HIF1AN: variants seen among roughly 807,000 people sequenced by gnomAD.
The protein encoded by HIF1AN is hypoxia inducible factor 1 subunit alpha inhibitor, also known as hypoxia-inducible factor 1-alpha inhibitor.
Under a neutral mutation model 47.7 loss-of-function variants are expected in HIF1AN, and 21 were observed. That is an observed-to-expected ratio of 0.44 (90% confidence interval 0.31 to 0.63). HIF1AN has a LOEUF of 0.63. HIF1AN is among the 30% of genes least tolerant of loss of function. The pLI is 0.07. For missense variants in HIF1AN, 320 were observed against 432.7 expected (o/e 0.74, Z 2.31); for synonymous variants, 152 against 155.9 (o/e 0.98, Z 0.18).
At chr10:100,540,488 C>A in intron 2 of HIF1AN, 146 bp from the exon 3 acceptor site, 2 of 759,264 alleles carry the variant, frequency 2.6e-6, no homozygotes, top group Non-Finnish European at 4.4e-6. Context: ...GTATGAGAAT[C>A]CATGTTGGCT....
At position 100,554,535 on chromosome 10, in the gene HIF1AN, T is replaced by C. The variant is rs1021433257; in HGVS notation, c.*6398T>C. On this transcript the variant is annotated 3_prime_UTR_variant, in exon 8 of 8. Transcript: ENST00000299163. ...AATATGGACCAGACACCTGGGAGGA[T>C]TACCTCACGCCTGTAATCCCAGCAC... is the stretch of plus-strand genomic sequence containing the variant. 1 of 151,592 alleles carries C rather than the reference T, an allele frequency of 6.6e-6. No individual in the cohort carries two copies. Among genetic ancestry groups the C allele is most frequent in the African/African-American group, 2.4e-5 (1 of 41,240 alleles). 9.4% of individuals were successfully genotyped at this position (151,592 alleles called of 1,614,324 possible). A position where few individuals can be genotyped will look rare whatever the true frequency, so the allele number is the denominator to read the frequency against.
Position 100,536,647 on chromosome 10 carries a change from A to G in HIF1AN, c.414A>G (p.Arg138=). The G allele has an allele frequency of 6.2e-7, 1 of 1,614,156 alleles. No individual in the cohort carries two copies. The highest frequency in any genetic ancestry group is 8.5e-7 in the Non-Finnish European group (1 of 1,180,006). Residue 138 remains arginine (R), a synonymous_variant, in exon 2 of 8, where the codon CGA becomes CGG. Coordinates refer to ENST00000299163, the MANE Select transcript of HIF1AN (RefSeq NM_017902.3). ...FVEKLQDIQQ[R]GGEERLYLQQ... is the part of the protein sequence containing the mutation. ...AGAAACTGCAGGATATACAGCAGCG[A>G]GGAGGGGAAGAGAGGTAAATTCCGA...
In HIF1AN at chr10:100,536,512, C is replaced by T. The variant is rs761208466; in HGVS notation, c.279C>T (p.Tyr93=). ...ENIGNGDFSV[Y]SASTHKFLYY... is the part of the protein sequence containing the mutation. ...TTGGCAATGGAGACTTCTCTGTGTA[C>T]AGTGCCAGCACCCACAAGTTCTTGT... Residue 93 remains tyrosine, a synonymous_variant, in exon 2 of 8, where the codon TAC becomes TAT. Coordinates refer to ENST00000299163, the MANE Select transcript of HIF1AN (RefSeq NM_017902.3). 6.2e-7 allele frequency: 1 copy of T among 1,614,144 alleles called. No homozygotes were observed. The highest frequency in any genetic ancestry group is 1.6e-4 in the Middle Eastern group (1 of 6,062).
chr10:100,539,810 G>A (rs1173460357), intron 2 of HIF1AN, among the ~76,000 whole-genome samples: 1 of 152,202 alleles, frequency 6.6e-6, no homozygotes, highest in Non-Finnish European at 1.5e-5. Context: ...CCAGCTCTTG[G>A]TGAACAGTAA....
chr10:100,540,928 A>G, intron 3 of HIF1AN, 146 bp downstream of exon 3: 1 of 789,694 alleles, frequency 1.3e-6, no homozygotes, highest in Non-Finnish European at 1.9e-6. Context: ...AAGAAACATA[A>G]TAGGGGCTGG....
Position 100,536,650 on chromosome 10 carries a change from A to T in HIF1AN, c.417A>T (p.Gly139=). 1 of 1,613,950 alleles carries T rather than the reference A, an allele frequency of 6.2e-7. No individual in the cohort carries two copies. The highest frequency in any genetic ancestry group is 2.2e-5 in the East Asian group (1 of 44,884). The change falls in exon 2 of 8, where the codon GGA becomes GGT. Residue 139 remains glycine (G), a synonymous_variant. Coordinates refer to ENST00000299163, the MANE Select transcript of HIF1AN (RefSeq NM_017902.3). ...AACTGCAGGATATACAGCAGCGAGG[A>T]GGGGAAGAGAGGTAAATTCCGAAAG... ...VEKLQDIQQR[G]GEERLYLQQT...
At chr10:100,543,212 CAG>C (rs1843061054) in intron 3 of HIF1AN, among the ~76,000 whole-genome samples, 2 of 146,966 alleles carry the variant, frequency 1.4e-5, no homozygotes, top group African/African-American at 2.5e-5. Context: ...TTTATTGAGA[CAG>C]TGTCTCACTC....
chr10:100,542,455 G>A (rs1045067181), intron 3 of HIF1AN, among the ~76,000 whole-genome samples: 1 of 152,028 alleles, frequency 6.6e-6, no homozygotes, highest in South Asian at 2.1e-4. Flanking sequence ...CCAGGTTCAC[G>A]CCATTCTCCC....
intron 3 of HIF1AN, among the ~76,000 whole-genome samples, chr10:100,543,723 C>T (rs1337005298): frequency 6.6e-6 from 1 of 152,194 alleles, no homozygotes; most frequent in Non-Finnish European, 1.5e-5. Context: ...AGGCGCCCGC[C>T]ACCACGCCCG....
intron 1 of HIF1AN, 35 bp downstream of exon 1, chr10:100,536,170 GAA>G (rs1852217587): frequency 5.8e-6 from 9 of 1,557,916 alleles, no homozygotes; most frequent in Non-Finnish European, 7.8e-6. Flanking sequence ...GGGAGAGGAG[GAA>G]GGTACCCGGT....
At position 100,545,068 on chromosome 10, in the gene HIF1AN, T is replaced by A; in HGVS notation, c.695T>A (p.Val232Asp). 1.2e-6 allele frequency: 2 copies of A among 1,614,188 alleles called. No homozygotes were observed. Among genetic ancestry groups the A allele is most frequent in the Non-Finnish European group, 1.7e-6 (2 of 1,180,010 alleles). Reference protein sequence around the residue: ...DQFECLYPYPVHHPCDRQSQV... With the variant: ...DQFECLYPYPDHHPCDRQSQV... Reference sequence around the variant, plus strand: ...TTCGAGTGCCTCTACCCATACCCTGTTCATCACCCATGTGACAGACAGAGC... The same window carrying A: ...TTCGAGTGCCTCTACCCATACCCTGATCATCACCCATGTGACAGACAGAGC... The change falls in exon 4 of 8, where the codon GTT (valine) becomes GAT (aspartate). Residue 232 changes from valine to aspartate, a missense_variant. By Grantham distance (152) the Val-to-Asp change is radical. Coordinates refer to ENST00000299163, the MANE Select transcript of HIF1AN (RefSeq NM_017902.3).
In HIF1AN at chr10:100,552,861, G is replaced by A. The variant is rs1843177427; in HGVS notation, c.*4724G>A. On this transcript the variant is annotated 3_prime_UTR_variant, in exon 8 of 8. Transcript: ENST00000299163. ...TGCTGTGTGTTCTTGCCCTTCCATT[G>A]TCAGTTCTGTACATCCTGGTTCAGC... 1 of 152,158 alleles carries A rather than the reference G, an allele frequency of 6.6e-6. No homozygotes were observed. Among genetic ancestry groups the A allele is most frequent in the Admixed American group, 6.6e-5 (1 of 15,238 alleles). The allele number at this position is 152,158 out of a possible 1,614,324, so 9.4% of individuals were successfully genotyped here.
In HIF1AN at chr10:100,557,007, G is replaced by C. The variant is rs1207339315; in HGVS notation, c.*8870G>C. 6.6e-6 allele frequency: 1 copy of C among 152,278 alleles called. No homozygotes were observed. The highest frequency in any genetic ancestry group is 1.5e-5 in the Non-Finnish European group (1 of 68,098). 9.4% of individuals were successfully genotyped at this position (152,278 alleles called of 1,614,324 possible). On this transcript the variant is annotated 3_prime_UTR_variant, in exon 8 of 8. Coordinates refer to ENST00000299163, the MANE Select transcript of HIF1AN (RefSeq NM_017902.3). ...CTTGAAGTGAAATCACAGAAGAGAT[G>C]ACTGGGGCAGGAAAAGCAAGATGGA...
chr10:100,540,547 T>C (rs1843015894), intron 2 of HIF1AN, 87 bp from the exon 3 acceptor site: 6 of 1,462,420 alleles, frequency 4.1e-6, no homozygotes, highest in Middle Eastern at 1.7e-4. Context: ...CTGGTATGGA[T>C]TTGGGCTTGG....
intron 3 of HIF1AN, among the ~76,000 whole-genome samples, chr10:100,541,197 G>A (rs576492470): frequency 2.0e-4 from 30 of 151,914 alleles, no homozygotes; most frequent in African/African-American, 6.3e-4. Flanking sequence ...CCAGCCTGGC[G>A]ACAGAGCAAG....
rs1160712586 is a variant in HIF1AN, at chr10:100,558,441, A to G, written c.*10304A>G. The G allele has an allele frequency of 2.0e-5, 3 of 152,162 alleles. No homozygotes were observed. Among genetic ancestry groups the G allele is most frequent in the Non-Finnish European group, 4.4e-5 (3 of 68,046 alleles). The allele number at this position is 152,162 out of a possible 1,614,324, so 9.4% of individuals were successfully genotyped here. On this transcript the variant is annotated 3_prime_UTR_variant, in exon 8 of 8. Transcript: ENST00000299163. Reference sequence around the variant, plus strand: ...CATAGTGACACCCCATCTCTTGAAAAAACAAACACTCTTAAGAGCAGTGGT... The same window carrying G: ...CATAGTGACACCCCATCTCTTGAAAGAACAAACACTCTTAAGAGCAGTGGT...
In HIF1AN at chr10:100,555,149, C is replaced by G. The variant is rs1408739633; in HGVS notation, c.*7012C>G. ...TTAGCTTCTCTTTCTTCCAGTCCAG[C>G]AGTCCAAAACAAACACTGCTTCCCA... is the stretch of plus-strand genomic sequence containing the variant. On this transcript the variant is annotated 3_prime_UTR_variant, in exon 8 of 8. Coordinates refer to ENST00000299163, the MANE Select transcript of HIF1AN (RefSeq NM_017902.3). 6.6e-6 allele frequency: 1 copy of G among 152,258 alleles called. No individual in the cohort carries two copies. Among genetic ancestry groups the G allele is most frequent in the Non-Finnish European group, 1.5e-5 (1 of 68,046 alleles). 9.4% of individuals were successfully genotyped at this position (152,258 alleles called of 1,614,324 possible).
Position 100,536,521 on chromosome 10 carries a change from C to G in HIF1AN, c.288C>G (p.Ser96Arg). ...GNGDFSVYSA[S>R]THKFLYYDEK... ...GAGACTTCTCTGTGTACAGTGCCAG[C>G]ACCCACAAGTTCTTGTACTATGATG... The change falls in exon 2 of 8, where the codon AGC (serine) becomes AGG (arginine). Residue 96 changes from serine (S) to arginine (R), a missense_variant. Around this residue, in one of 2 missense-constraint regions of HIF1AN, gnomAD observed 159 missense variants for 159.9 expected, o/e 0.99. Coordinates refer to ENST00000299163, the MANE Select transcript of HIF1AN (RefSeq NM_017902.3). 1 of 1,614,182 alleles carries G rather than the reference C, an allele frequency of 6.2e-7. No individual in the cohort carries two copies.
intron 2 of HIF1AN, among the ~76,000 whole-genome samples, chr10:100,537,939 G>T (rs898668798): frequency 5.3e-5 from 8 of 152,206 alleles, no homozygotes; most frequent in African/African-American, 1.9e-4. Flanking sequence ...TATTGGTTCA[G>T]TTATCTCATG....
Sources: gnomAD v4.1 joint callset for allele counts (sites outside exome capture counted in the v4.1 genomes callset) on GRCh38, gnomAD v4.1.1 for gene constraint, gnomAD v4.1.1 regional missense constraint, MANE v1.5 for transcripts, NCBI Gene and HGNC (gene_info 2026-07-23, HGNC 2026-07-21) for gene names.